Variants in ORC4 observed in about 807,000 individuals in gnomAD.
ORC4 encodes the protein origin recognition complex subunit 4, also known as origin recognition complex, subunit 4 homolog.
Under a neutral mutation model 63.9 loss-of-function variants are expected in ORC4, and 55 were observed. The observed-to-expected ratio is 0.86, with a 90% CI of 0.69 to 1.08. The LOEUF is 1.08. Among genes scored for constraint, ORC4 ranks in the 50% least tolerant of loss-of-function variants. ORC4 has a pLI of 0.00. For synonymous variants in ORC4, 150 were observed against 168.5 expected (o/e 0.89, Z 0.85); for missense variants, 511 against 504.4 (o/e 1.01, Z -0.13).
At chr2:147,952,659 T>A in intron 7 of ORC4, 135 bp from the exon 8 acceptor site, 5 of 697,888 alleles carry the variant, frequency 7.2e-6, no homozygotes, top group Non-Finnish European at 1.3e-5. Context: ...GGTAGGGGAT[T>A]TACTGATGCA....
chr2:147,954,723 G>A lies in ORC4; in HGVS notation c.436+624C>T, dbSNP rs573841973. Among the ~76,000 whole-genome samples, 14 of 152,106 alleles carry A rather than the reference G, an allele frequency of 9.2e-5. No homozygotes were observed. In the South Asian group the frequency reaches 1.9e-3, roughly 20 times the overall value. ...AGTAACCAGAATTATGCAAATTAAA[G>A]AACAAAATTATTCAAATTAAACTAA... On this transcript the variant is annotated intron_variant, in intron 7 of 13. Transcript: ENST00000392857.
intron 6 of ORC4, among the ~76,000 whole-genome samples, chr2:147,957,236 A>C (rs1051163132): frequency 2.7e-5 from 4 of 147,258 alleles, no homozygotes; most frequent in African/African-American, 9.8e-5. Context: ...TTATATAATT[A>C]TATAATTAAT....
At chr2:147,995,266 A>G (rs1691888701) in intron 1 of ORC4, among the ~76,000 whole-genome samples, 1 of 149,940 alleles carries the variant, frequency 6.7e-6, no homozygotes, top group Non-Finnish European at 1.5e-5. Flanking sequence ...ACCAATCAGC[A>G]CTCTGGTCTA....
chr2:147,958,621 CCTT>C, intron 5 of ORC4, 167 bp downstream of exon 5: 1 of 577,456 alleles, frequency 1.7e-6, no homozygotes, highest in South Asian at 2.6e-5. Context: ...TTCTGCGACT[CCTT>C]CATTATTATT....
intron 1 of ORC4, among the ~76,000 whole-genome samples, chr2:147,999,674 A>C (rs907723767): frequency 1.2e-4 from 19 of 152,122 alleles, no homozygotes; most frequent in African/African-American, 4.3e-4. Context: ...TAACCCTAGA[A>C]AAAAGGTTTC....
chr2:148,009,607 G>C (rs1304293614), intron 1 of ORC4, among the ~76,000 whole-genome samples: 1 of 152,134 alleles, frequency 6.6e-6, no homozygotes, highest in Non-Finnish European at 1.5e-5. Flanking sequence ...TAAGGAGACA[G>C]AACCCAATAC....
chr2:147,989,772 C>T (rs915291947), intron 1 of ORC4, among the ~76,000 whole-genome samples: 1 of 152,124 alleles, frequency 6.6e-6, no homozygotes, highest in Non-Finnish European at 1.5e-5. Flanking sequence ...TCCAAGAACA[C>T]TAATTTATAT....
intron 3 of ORC4, 109 bp downstream of exon 3, chr2:147,973,339 A>G: frequency 1.3e-6 from 1 of 760,080 alleles, no homozygotes; most frequent in South Asian, 1.5e-5. Context: ...TATTTCTATA[A>G]AAGTGTTTGT....
rs1687836854 is a variant in ORC4 at position 147,932,703 on chromosome 2, C to T, written c.*2807G>A. 1 of 152,150 alleles carries T rather than the reference C, an allele frequency of 6.6e-6. No individual in the cohort carries two copies. The highest frequency in any genetic ancestry group is 2.1e-4 in the South Asian group (1 of 4,828). The allele number at this position is 152,150 out of a possible 1,614,324, so 9.4% of individuals were successfully genotyped here. A position where few individuals can be genotyped will look rare whatever the true frequency, so the allele number is the denominator to read the frequency against. On this transcript the variant is annotated 3_prime_UTR_variant, in exon 14 of 14. Transcript: ENST00000392857. ...TCCTGCCAGTATTAGAAACCAGAGG[C>T]TTGTTGGCATTGTGTCACACAGTAC...
intron 9 of ORC4, among the ~76,000 whole-genome samples, chr2:147,946,052 G>A (rs1009478009): frequency 3.9e-5 from 6 of 151,976 alleles, no homozygotes; most frequent in Non-Finnish European, 8.8e-5. Context: ...CACATGCAGG[G>A]GATTTAAGGT....
intron 1 of ORC4, among the ~76,000 whole-genome samples, chr2:148,019,360 C>T (rs2603602): frequency 3.3e-5 from 5 of 152,188 alleles, no homozygotes; most frequent in African/African-American, 1.2e-4. Flanking sequence ...GAGGCCGAGG[C>T]GGGAGGATCA....
rs1216352947 is a variant in ORC4 at position 147,930,436 on chromosome 2, T to C, written c.*5074A>G. 1 of 152,248 alleles carries C rather than the reference T, an allele frequency of 6.6e-6. No homozygotes were observed. Among genetic ancestry groups the C allele is most frequent in the African/African-American group, 2.4e-5 (1 of 41,368 alleles). 9.4% of individuals were successfully genotyped at this position (152,248 alleles called of 1,614,324 possible). On this transcript the variant is annotated 3_prime_UTR_variant, in exon 14 of 14. Coordinates refer to ENST00000392857, the MANE Select transcript of ORC4 (RefSeq NM_181741.4). ...CTTTTATACTTTTTTGAAAGATTACTTTTTAGGAACATTTGGTATGATATG... is the reference window on the plus strand; with the variant it reads ...CTTTTATACTTTTTTGAAAGATTACCTTTTAGGAACATTTGGTATGATATG...
At chr2:147,946,742 T>A (rs1688677370) in intron 9 of ORC4, among the ~76,000 whole-genome samples, 1 of 152,022 alleles carries the variant, frequency 6.6e-6, no homozygotes, top group African/African-American at 2.4e-5. Flanking sequence ...AGGGAATTAT[T>A]AATCATAACA....
intron 9 of ORC4, among the ~76,000 whole-genome samples, chr2:147,945,011 T>TA (rs17225594): frequency 4.6e-5 from 7 of 151,612 alleles, no homozygotes; most frequent in Non-Finnish European, 8.9e-5. Flanking sequence ...TTTTGGAAAT[T>TA]AAAAAAAAAT....
chr2:147,969,350 T>G (rs1690076100), intron 4 of ORC4, among the ~76,000 whole-genome samples: 1 of 152,048 alleles, frequency 6.6e-6, no homozygotes, highest in Admixed American at 6.6e-5. Context: ...TTATTCTGAT[T>G]TGATCACTAT....
At chr2:147,996,668 C>T (rs1373390576) in intron 1 of ORC4, among the ~76,000 whole-genome samples, 1 of 152,166 alleles carries the variant, frequency 6.6e-6, no homozygotes, top group East Asian at 1.9e-4. Flanking sequence ...TGCTCAACAT[C>T]ATATGTCAAT....
intron 1 of ORC4, among the ~76,000 whole-genome samples, chr2:148,013,617 G>T (rs556706354): frequency 6.6e-6 from 1 of 152,046 alleles, no homozygotes; most frequent in South Asian, 2.1e-4. Flanking sequence ...AATACTTGAG[G>T]TAATGGATAT....
chr2:147,948,819 T>C (rs949602164), intron 8 of ORC4, among the ~76,000 whole-genome samples: 1 of 151,400 alleles, frequency 6.6e-6, no homozygotes, highest in African/African-American at 2.4e-5. Flanking sequence ...ATACGAAGTG[T>C]TCTTAAATGA....
chr2:148,010,598 C>T (rs561724577), intron 1 of ORC4, among the ~76,000 whole-genome samples: 14 of 151,952 alleles, frequency 9.2e-5, no homozygotes, highest in East Asian at 5.8e-4. Flanking sequence ...CTAGAAGAAA[C>T]GAATAAATTC....
Sources: allele counts gnomAD v4.1 joint callset (sites outside exome capture counted in the v4.1 genomes callset), GRCh38; gene constraint gnomAD v4.1.1; transcripts MANE v1.5; gene names NCBI Gene and HGNC (gene_info 2026-07-23, HGNC 2026-07-21).